The following ZNF841 variants were observed in gnomAD, a reference collection of about 807,000 sequenced individuals.
The protein encoded by ZNF841 is TCONS_00006091.
In ZNF841, 11 loss-of-function variants were observed where a neutral mutation model predicts 13.0. The ratio of observed to expected loss-of-function variants is 0.85; its 90% CI spans 0.53 to 1.40. The LOEUF (loss-of-function observed/expected upper bound fraction) is 1.40. Among genes scored for constraint, ZNF841 ranks in the 40% most tolerant of loss-of-function variants. The pLI, the probability that ZNF841 is intolerant of heterozygous loss-of-function variation, is 0.00. For synonymous variants in ZNF841, 369 were observed against 381.6 expected, an observed-to-expected ratio of 0.97 and a Z score of 0.38; for missense variants, 1,068 against 1,139.5, an observed-to-expected ratio of 0.94 and a Z score of 0.90.
chr19:52,062,944 C>T (rs1223515735), downstream of ZNF841, among the ~76,000 whole-genome samples: 1 of 147,020 alleles, frequency 6.8e-6, no homozygotes, highest in Admixed American at 6.9e-5. Flanking sequence ...GGTGCAATCT[C>T]GGCTCACTGC....
Position 52,066,779 on chromosome 19 carries a change from G to A in ZNF841, c.1103C>T (p.Thr368Ile). 1 of 1,613,892 alleles carries A rather than the reference G, an allele frequency of 6.2e-7. No homozygotes were observed. Among genetic ancestry groups the A allele is most frequent in the South Asian group, 1.1e-5 (1 of 91,048 alleles). Residue 368 changes from threonine (T) to isoleucine (I), a missense_variant, in exon 7 of 7, where the codon ACT becomes ATT. Physicochemically the swap from Thr to Ile is moderately conservative, Grantham distance 89. Coordinates refer to ENST00000594440, the MANE Select transcript of ZNF841 (RefSeq NM_001136499.2). The part of the protein sequence containing the change: ...SHLAVHQRIH[T>I]GEKPYKCNRC... ...ATTACATTTGTAAGGTTTCTCTCCA[G>A]TATGAATTCTCTGATGAACTGCAAG...
At chr19:52,071,560 T>C (rs2087739876) in intron 6 of ZNF841, among the ~76,000 whole-genome samples, 1 of 152,174 alleles carries the variant, frequency 6.6e-6, no homozygotes, top group African/African-American at 2.4e-5. Flanking sequence ...GAAAGTATCC[T>C]GGGATATCAA....
Position 52,067,145 on chromosome 19 carries a change from G to A in ZNF841, c.737C>T (p.Ser246Leu), listed in dbSNP as rs538950785. The change falls in exon 7 of 7, where the codon TCG becomes TTG. Residue 246 changes from serine (S) to leucine (L), a missense_variant. Ser to Leu is a moderately radical substitution (Grantham distance 145). Coordinates refer to ENST00000594440, the MANE Select transcript of ZNF841 (RefSeq NM_001136499.2). ...RKYGNDFLQL[S>L]LPTQDEKTHI... ...TGTTTTCTCGTCTTGTGTAGGTAAC[G>A]AAAGTTGCAAAAAATCATTCCCATA... 42 of 1,556,448 alleles carry A rather than the reference G, an allele frequency of 2.7e-5. No individual in the cohort carries two copies. The highest frequency in any genetic ancestry group is 1.2e-4 in the East Asian group (5 of 41,310).
In ZNF841 at chr19:52,065,881, G is replaced by A; in HGVS notation, c.2001C>T (p.Ser667=). Residue 667 remains serine, a synonymous_variant, in exon 7 of 7, where the codon AGC becomes AGT. Transcript: ENST00000594440. ...TATGAATTACCAGATGTTTAGTGAG[G>A]CTTGAACGCTGAGTATAGGCTTTGC... ...DCGKAYTQRS[S]LTKHLVIHTG... 6.2e-7 allele frequency: 1 copy of A among 1,614,008 alleles called. No homozygotes were observed. The highest frequency in any genetic ancestry group is 8.5e-7 in the Non-Finnish European group (1 of 1,179,988).
At position 52,082,225 on chromosome 19, in the gene ZNF841, C is replaced by T. The variant is rs191829354; in HGVS notation, c.15+2562G>A. 6.6e-5 allele frequency among the ~76,000 whole-genome samples: 10 copies of T among 152,148 alleles called. No individual in the cohort carries two copies. The East Asian group carries it at 7.7e-4, about 12-fold the overall frequency. On this transcript the variant is annotated intron_variant, in intron 4 of 6. Transcript: ENST00000594440. ...GAAGATGTGATGGTGACAAGACCTG[C>T]GACTGTAAAAATTCATGGCCATTCA... is the stretch of plus-strand genomic sequence containing the variant.
chr19:52,077,359 C>T (rs2087939475), intron 4 of ZNF841, among the ~76,000 whole-genome samples: 1 of 152,172 alleles, frequency 6.6e-6, no homozygotes, highest in Admixed American at 6.5e-5. Flanking sequence ...TTAGATATTA[C>T]ATTTGTTACA....
Position 52,067,298 on chromosome 19 carries a change from A to G in ZNF841, c.584T>C (p.Leu195Ser), listed in dbSNP as rs757017982. 1.3e-6 allele frequency: 2 copies of G among 1,551,838 alleles called. No individual in the cohort carries two copies. Among genetic ancestry groups the G allele is most frequent in the South Asian group, 2.4e-5 (2 of 83,992 alleles). ...ILRFQSGLGE[L>S]QKFQTAEKIY... is the part of the protein sequence containing the mutation. ...TTTCTCTGCAGTTTGAAATTTCTGCAATTCACCCAGACCGGACTGAAACCT... is the reference window on the plus strand; with the variant it reads ...TTTCTCTGCAGTTTGAAATTTCTGCGATTCACCCAGACCGGACTGAAACCT... Residue 195 changes from leucine to serine, a missense_variant, in exon 7 of 7, where the codon TTG becomes TCG. Physicochemically the swap from Leu to Ser is moderately radical, Grantham distance 145. Transcript: ENST00000594440.
chr19:52,078,802 G>C (rs992069121), intron 4 of ZNF841, among the ~76,000 whole-genome samples: 2 of 151,534 alleles, frequency 1.3e-5, no homozygotes, highest in African/African-American at 4.8e-5. Flanking sequence ...ATCTTATGTA[G>C]AGAAAAGAAA....
rs1330887165 is a variant in ZNF841 at position 52,065,759 on chromosome 19, G to A, written c.2123C>T (p.Pro708Leu). The change falls in exon 7 of 7, where the codon CCA becomes CTA. Residue 708 changes from proline (P) to leucine (L), a missense_variant. Coordinates refer to ENST00000594440, the MANE Select transcript of ZNF841 (RefSeq NM_001136499.2). Reference protein sequence around the residue: ...RYHRNPTGEKPHKCSECGRTF... With the variant: ...RYHRNPTGEKLHKCSECGRTF... ...TCTACCACATTCACTACATTTGTGT[G>A]GTTTCTCCCCAGTAGGATTTCTGTG... The A allele has an allele frequency of 3.7e-6, 6 of 1,608,540 alleles. No homozygotes were observed. The highest frequency in any genetic ancestry group is 2.2e-5 in the East Asian group (1 of 44,826).
At chr19:52,071,485 C>T (rs1459488247) in intron 6 of ZNF841, among the ~76,000 whole-genome samples, 3 of 151,952 alleles carry the variant, frequency 2.0e-5, no homozygotes, top group African/African-American at 7.3e-5. Flanking sequence ...TTTGAGAAAA[C>T]AAAGAAAGCA....
chr19:52,091,744 GA>G (rs371811590), intron 2 of ZNF841, among the ~76,000 whole-genome samples: 2,428 of 152,122 alleles, frequency 0.016, 72 homozygotes, highest in African/African-American at 0.055. Context: ...CCAGAAAATA[GA>G]AAAAAAGCTC....
At chr19:52,059,307 G>A in the ZNF841 span, among the ~76,000 whole-genome samples, 3 of 136,268 alleles carry the variant, frequency 2.2e-5, no homozygotes, top group East Asian at 6.7e-4. Flanking sequence ...CTGAGATCGC[G>A]CCGCTGCACT....
At chr19:52,061,841 A>C (rs115757006), downstream of ZNF841, among the ~76,000 whole-genome samples, 2,740 of 152,162 alleles carry the variant, frequency 0.018, 35 homozygotes, top group Non-Finnish European at 0.029. Context: ...CCACCGTGCC[A>C]AACCAGATGA....
intron 5 of ZNF841, 153 bp from the exon 6 acceptor site, chr19:52,076,325 A>G: frequency 6.7e-6 from 6 of 901,096 alleles, no homozygotes; most frequent in Non-Finnish European, 9.7e-6. Flanking sequence ...TGAACACTGT[A>G]AGATGAAGAT....
At chr19:52,091,890 C>T (rs925659180) in intron 2 of ZNF841, among the ~76,000 whole-genome samples, 5 of 152,178 alleles carry the variant, frequency 3.3e-5, no homozygotes, top group African/African-American at 1.2e-4. Context: ...TGGCTCATGC[C>T]TGTAATCCCA....
intron 6 of ZNF841, among the ~76,000 whole-genome samples, chr19:52,069,311 A>G (rs1317639897): frequency 2.6e-5 from 4 of 152,082 alleles, no homozygotes; most frequent in Non-Finnish European, 4.4e-5. Flanking sequence ...CTAAGCTCAA[A>G]CAATCTGCCC....
downstream of ZNF841, among the ~76,000 whole-genome samples, chr19:52,062,727 C>G (rs2087424637): frequency 6.6e-6 from 1 of 152,124 alleles, no homozygotes; most frequent in South Asian, 2.1e-4. Context: ...GCTCTTGATC[C>G]TTTGATGTAC....
chr19:52,077,049 G>A lies in ZNF841; in HGVS notation c.51C>T (p.Phe17=). The A allele has an allele frequency of 6.2e-7, 1 of 1,612,706 alleles. No individual in the cohort carries two copies. Among genetic ancestry groups the A allele is most frequent in the Middle Eastern group, 1.7e-4 (1 of 6,050 alleles). Residue 17 remains phenylalanine (F), a synonymous_variant, in exon 5 of 7, where the codon TTC becomes TTT. Transcript: ENST00000594440. ...CCAGGCATTTCCACTCCTCCTGAGAGAATTCTACAGCCACATCCCTGAATG... is the reference window on the plus strand; with the variant it reads ...CCAGGCATTTCCACTCCTCCTGAGAAAATTCTACAGCCACATCCCTGAATG... ...SLTFRDVAVE[F]SQEEWKCLDP...
In ZNF841 at chr19:52,066,102, C is replaced by T. The variant is rs201071225; in HGVS notation, c.1780G>A (p.Glu594Lys). The change falls in exon 7 of 7, where the codon GAG becomes AAG. Residue 594 changes from glutamate (E) to lysine (K), a missense_variant. Coordinates refer to ENST00000594440, the MANE Select transcript of ZNF841 (RefSeq NM_001136499.2). ...LARHQRMHTGEKPYKCNVCGK... is the reference protein window; with the variant it reads ...LARHQRMHTGKKPYKCNVCGK... ...CACACATTACATTTGTAAGGTTTCT[C>T]TCCGGTATGCATTCTTTGATGACGT... 6 of 1,614,044 alleles carry T rather than the reference C, an allele frequency of 3.7e-6. No homozygotes were observed. Among genetic ancestry groups the T allele is most frequent in the African/African-American group, 1.3e-5 (1 of 74,926 alleles).
Sources: gnomAD v4.1 joint callset for allele counts (sites outside exome capture counted in the v4.1 genomes callset) on GRCh38, gnomAD v4.1.1 for gene constraint, MANE v1.5 for transcripts, NCBI Gene and HGNC (gene_info 2026-07-23, HGNC 2026-07-21) for gene names.